The following HS6ST3 variants were observed in gnomAD, a reference collection of about 807,000 sequenced individuals.
The protein encoded by HS6ST3 is heparan sulfate 6-O-sulfotransferase 3, also known as heparan-sulfate 6-O-sulfotransferase 3.
HS6ST3 carries 12 observed loss-of-function variants against 36.7 expected under a neutral mutation model. The ratio of observed to expected loss-of-function variants is 0.33; its 90% CI spans 0.21 to 0.53. The LOEUF is 0.53. HS6ST3 is among the 20% of genes least tolerant of loss of function. HS6ST3 has a pLI of 0.95. For synonymous variants in HS6ST3, 240 were observed against 257.5 expected, an observed-to-expected ratio of 0.93 and a Z score of 0.65; for missense variants, 584 against 640.9, an observed-to-expected ratio of 0.91 and a Z score of 0.96.
chr13:96,125,149 G>A (rs1008692513), intron 1 of HS6ST3, among the ~76,000 whole-genome samples: 22 of 152,192 alleles, frequency 1.4e-4, no homozygotes, highest in Admixed American at 5.9e-4. Context: ...CTGAGGTGGC[G>A]TGAAATTAAA....
intron 1 of HS6ST3, among the ~76,000 whole-genome samples, chr13:96,658,609 T>TG (rs2056635518): frequency 6.6e-6 from 1 of 151,176 alleles, no homozygotes; most frequent in Non-Finnish European, 1.5e-5. Context: ...GATCATTATT[T>TG]GGGTTGTTTC....
At chr13:96,269,423 C>T (rs2054708715) in intron 1 of HS6ST3, among the ~76,000 whole-genome samples, 1 of 151,980 alleles carries the variant, frequency 6.6e-6, no homozygotes, top group Non-Finnish European at 1.5e-5. Context: ...ATTCCTCAAA[C>T]AAAATGTGAC....
intron 1 of HS6ST3, among the ~76,000 whole-genome samples, chr13:96,523,219 G>A (rs1291833828): frequency 6.6e-6 from 1 of 152,148 alleles, no homozygotes; most frequent in Non-Finnish European, 1.5e-5. Flanking sequence ...TAGGGTTTCT[G>A]CCGAGAGGGA....
intron 1 of HS6ST3, among the ~76,000 whole-genome samples, chr13:96,623,853 G>A (rs142458663): frequency 6.6e-6 from 1 of 152,254 alleles, no homozygotes; most frequent in East Asian, 1.9e-4. Flanking sequence ...TTCGCCCATT[G>A]CATTACACAT....
chr13:96,125,794 T>C (rs912814234), intron 1 of HS6ST3, among the ~76,000 whole-genome samples: 18 of 152,114 alleles, frequency 1.2e-4, no homozygotes, highest in Non-Finnish European at 2.5e-4. Context: ...TTTATTATTA[T>C]TATACTTTAA....
At chr13:96,403,990 C>T (rs1044864726) in intron 1 of HS6ST3, among the ~76,000 whole-genome samples, 8 of 152,108 alleles carry the variant, frequency 5.3e-5, no homozygotes, top group Non-Finnish European at 1.2e-4. Flanking sequence ...TGGGAAGTGT[C>T]TCCATATTTT....
chr13:96,355,463 C>T (rs1037116756), intron 1 of HS6ST3, among the ~76,000 whole-genome samples: 1 of 151,562 alleles, frequency 6.6e-6, no homozygotes, highest in Admixed American at 6.6e-5. Flanking sequence ...TTCCTGACTG[C>T]CACCATAAAG....
chr13:96,681,011 C>T (rs1189622471), intron 1 of HS6ST3, among the ~76,000 whole-genome samples: 1 of 152,156 alleles, frequency 6.6e-6, no homozygotes, highest in Non-Finnish European at 1.5e-5. Flanking sequence ...CAAAACTACT[C>T]AGCATCATAA....
intron 1 of HS6ST3, among the ~76,000 whole-genome samples, chr13:96,297,863 T>C (rs1415606341): frequency 1.3e-5 from 2 of 152,284 alleles, no homozygotes; most frequent in East Asian, 1.9e-4. Flanking sequence ...CTAATTCAGC[T>C]TCTCTTATTC....
intron 1 of HS6ST3, among the ~76,000 whole-genome samples, chr13:96,205,578 A>G (rs540040958): frequency 2.6e-5 from 4 of 152,212 alleles, no homozygotes; most frequent in South Asian, 2.1e-4. Flanking sequence ...AAAATCTTCA[A>G]TGAAATACTA....
intron 1 of HS6ST3, among the ~76,000 whole-genome samples, chr13:96,697,923 G>C (rs1313757257): frequency 1.3e-5 from 2 of 152,072 alleles, no homozygotes; most frequent in Non-Finnish European, 2.9e-5. Flanking sequence ...GTGGTTAATG[G>C]TTATCTTTCG....
chr13:96,451,615 G>A (rs2055728657), intron 1 of HS6ST3, among the ~76,000 whole-genome samples: 1 of 152,160 alleles, frequency 6.6e-6, no homozygotes, highest in Admixed American at 6.5e-5. Context: ...GCCATCTTGT[G>A]CAGAGTTGAT....
chr13:96,128,121 G>C (rs517294), intron 1 of HS6ST3, among the ~76,000 whole-genome samples: 124,683 of 152,220 alleles, frequency 0.82, 51,452 homozygotes, highest in East Asian at 0.91. Flanking sequence ...GGCTAAGTTA[G>C]AAAGCCAGTG....
chr13:96,302,787 A>G (rs903450909), intron 1 of HS6ST3, among the ~76,000 whole-genome samples: 5 of 152,168 alleles, frequency 3.3e-5, no homozygotes, highest in Admixed American at 3.3e-4. Flanking sequence ...TAATATAATG[A>G]TTACACTTTT....
chr13:96,811,565 T>G (rs1878317439), intron 1 of HS6ST3, among the ~76,000 whole-genome samples: 1 of 152,206 alleles, frequency 6.6e-6, no homozygotes, highest in South Asian at 2.1e-4. Flanking sequence ...CAGAATTATT[T>G]CACAGAATAG....
chr13:96,175,171 C>T (rs1188318597), intron 1 of HS6ST3, among the ~76,000 whole-genome samples: 1 of 152,040 alleles, frequency 6.6e-6, no homozygotes, highest in Non-Finnish European at 1.5e-5. Context: ...AAGATACATG[C>T]CAATGTTCTT....
At chr13:96,603,134 A>C (rs547509024) in intron 1 of HS6ST3, among the ~76,000 whole-genome samples, 1 of 152,258 alleles carries the variant, frequency 6.6e-6, no homozygotes, top group South Asian at 2.1e-4. Context: ...TCCACAATGC[A>C]TTTTCACAAT....
At chr13:96,193,303 T>C (rs7331762) in intron 1 of HS6ST3, among the ~76,000 whole-genome samples, 69,982 of 152,082 alleles carry the variant, frequency 0.46, 16,241 homozygotes, top group Non-Finnish European at 0.51. Context: ...GGAAGGAACA[T>C]GGCTTGACAG....
At chr13:96,198,341 A>C (rs1032723440) in intron 1 of HS6ST3, among the ~76,000 whole-genome samples, 2 of 152,180 alleles carry the variant, frequency 1.3e-5, no homozygotes, top group Admixed American at 1.3e-4. Context: ...TTCCTCCCTG[A>C]TCTTCGGGAT....
Sources: allele counts gnomAD v4.1 joint callset (sites outside exome capture counted in the v4.1 genomes callset), GRCh38; gene constraint gnomAD v4.1.1; transcripts MANE v1.5; gene names NCBI Gene and HGNC (gene_info 2026-07-23, HGNC 2026-07-21).